Variants in SCMH1 observed in about 807,000 individuals in gnomAD.
SCMH1 encodes polycomb protein SCMH1.
Under a neutral mutation model 70.8 loss-of-function variants are expected in SCMH1, and 37 were observed. That is an observed-to-expected ratio of 0.52 (90% confidence interval 0.40 to 0.69). The LOEUF is 0.69. SCMH1 is among the 30% of genes least tolerant of loss of function. SCMH1 has a pLI of 0.00. For missense variants in SCMH1, 607 were observed against 827.3 expected (o/e 0.73, Z 3.27); for synonymous variants, 292 against 307.4 (o/e 0.95, Z 0.52).
At chr1:41,121,333 A>T (rs912470558) in intron 6 of SCMH1, among the ~76,000 whole-genome samples, 3 of 152,238 alleles carry the variant, frequency 2.0e-5, no homozygotes, top group African/African-American at 7.2e-5. Context: ...TTTGAACCCA[A>T]CTACTCCGTC....
chr1:41,222,663 C>T (rs1659531605), intron 1 of SCMH1, among the ~76,000 whole-genome samples: 1 of 152,062 alleles, frequency 6.6e-6, no homozygotes, highest in Non-Finnish European at 1.5e-5. Flanking sequence ...CCTTTTTTCA[C>T]TTGGGTATTA....
chr1:41,046,818 C>T, intron 11 of SCMH1: 1 of 550,554 alleles, frequency 1.8e-6, no homozygotes, highest in South Asian at 2.4e-5. Context: ...GTGGCCAGGC[C>T]AGGTCTGTTG....
intron 6 of SCMH1, among the ~76,000 whole-genome samples, chr1:41,123,960 T>G (rs1403675106): frequency 6.6e-6 from 1 of 152,120 alleles, no homozygotes; most frequent in Non-Finnish European, 1.5e-5. Context: ...CAAGCCCCAT[T>G]ACCTAGAGCT....
chr1:41,207,322 T>A (rs904424837), intron 1 of SCMH1, among the ~76,000 whole-genome samples: 12 of 151,772 alleles, frequency 7.9e-5, no homozygotes, highest in African/African-American at 2.7e-4. Context: ...ACACATGGGC[T>A]CAAAATAAAG....
Position 41,083,955 on chromosome 1 carries a change from C to T in SCMH1, c.746-8504G>A, listed in dbSNP as rs532369166. Among the ~76,000 whole-genome samples, 409 of 152,280 alleles carry T rather than the reference C, an allele frequency of 2.7e-3. 1 individual carries two copies. The highest frequency in any genetic ancestry group is 9.5e-3 in the African/African-American group (396 of 41,548). On this transcript the variant is annotated intron_variant, in intron 8 of 14. Transcript: ENST00000337495. ...AAGCTGAAACTGGATCCCTTCCTTACACCTTATACAAAAATTAATTCAAGA... is the reference window on the plus strand; with the variant it reads ...AAGCTGAAACTGGATCCCTTCCTTATACCTTATACAAAAATTAATTCAAGA...
rs757491842 is a variant in SCMH1 at position 41,067,336 on chromosome 1, C to T, written c.1105+3259G>A. 2.5e-4 allele frequency among the ~76,000 whole-genome samples: 38 copies of T among 151,266 alleles called. 1 individual carries two copies. The highest frequency in any genetic ancestry group is 5.3e-4 in the Admixed American group (8 of 15,140). On this transcript the variant is annotated intron_variant, in intron 10 of 14. Coordinates refer to ENST00000337495, the Ensembl canonical transcript of SCMH1. Reference sequence around the variant, plus strand: ...GCGGGCGCCTGTGGTCCCAGGTACTCGGAAGGCTGAGGCAGGAGAATGGCG... The same window carrying T: ...GCGGGCGCCTGTGGTCCCAGGTACTTGGAAGGCTGAGGCAGGAGAATGGCG...
intron 8 of SCMH1, among the ~76,000 whole-genome samples, chr1:41,087,937 G>GGTGTGTGTGTGTGTGTGTGTGT (rs55721560): frequency 0.06 from 8,318 of 139,748 alleles, 305 homozygotes; most frequent in African/African-American, 0.085. Flanking sequence ...TATAGTTTCT[G>GGTGTGTGTGTGTGTGTGTGTGT]GTGTGTGTGT....
intron 10 of SCMH1, among the ~76,000 whole-genome samples, chr1:41,053,179 G>A (rs978126160): frequency 3.3e-5 from 5 of 150,738 alleles, no homozygotes; most frequent in Non-Finnish European, 4.4e-5. Context: ...CACTGTGCCC[G>A]GCCAAATTGT....
chr1:41,125,468 C>T (rs748602472), intron 6 of SCMH1, among the ~76,000 whole-genome samples: 3 of 151,948 alleles, frequency 2.0e-5, no homozygotes, highest in East Asian at 3.9e-4. Context: ...CCACTCATCT[C>T]GGCCTCCCAA....
chr1:41,164,776 A>G (rs1188070917), intron 2 of SCMH1, among the ~76,000 whole-genome samples: 1 of 152,072 alleles, frequency 6.6e-6, no homozygotes, highest in East Asian at 1.9e-4. Context: ...ATAATTTTAC[A>G]TATTTATGGG....
intron 2 of SCMH1, among the ~76,000 whole-genome samples, chr1:41,182,841 G>A (rs1466752739): frequency 6.6e-6 from 1 of 152,180 alleles, no homozygotes; most frequent in Non-Finnish European, 1.5e-5. Flanking sequence ...ATTACAAAAT[G>A]TGTAATTTTT....
At chr1:41,193,185 T>G (rs545809387) in intron 1 of SCMH1, among the ~76,000 whole-genome samples, 1 of 152,390 alleles carries the variant, frequency 6.6e-6, no homozygotes, top group African/African-American at 2.4e-5. Flanking sequence ...TATATCGTTT[T>G]ACATATATCT....
At chr1:41,129,319 C>G (rs1327580490) in intron 6 of SCMH1, among the ~76,000 whole-genome samples, 1 of 152,076 alleles carries the variant, frequency 6.6e-6, no homozygotes, top group East Asian at 1.9e-4. Context: ...TTTTCATTTT[C>G]CCCAACTGAA....
intron 10 of SCMH1, among the ~76,000 whole-genome samples, chr1:41,051,276 G>T (rs1051152887): frequency 6.6e-6 from 1 of 152,164 alleles, no homozygotes; most frequent in Non-Finnish European, 1.5e-5. Context: ...CTACTACACT[G>T]CCAGGCATAT....
intron 8 of SCMH1, among the ~76,000 whole-genome samples, chr1:41,083,520 G>C (rs1385783748): frequency 6.6e-6 from 1 of 152,178 alleles, no homozygotes; most frequent in Non-Finnish European, 1.5e-5. Context: ...TGGGTAGGTA[G>C]AATCAATATC....
At chr1:41,231,459 A>G (rs548028199) in intron 1 of SCMH1, among the ~76,000 whole-genome samples, 2 of 152,294 alleles carry the variant, frequency 1.3e-5, no homozygotes, top group Admixed American at 1.3e-4. Flanking sequence ...GCTCCCATAT[A>G]CCCTGTACTA....
At position 41,188,439 on chromosome 1, in the gene SCMH1, T is replaced by C. The variant is rs554305650; in HGVS notation, c.-117-2189A>G. ...TTCAATATTCCTGTTGTCCAATGGGTAGCCACTAGCCACATGTGGCTATTT... is the reference window on the plus strand; with the variant it reads ...TTCAATATTCCTGTTGTCCAATGGGCAGCCACTAGCCACATGTGGCTATTT... On this transcript the variant is annotated intron_variant, in intron 1 of 14. Coordinates refer to ENST00000337495, the Ensembl canonical transcript of SCMH1. Among the ~76,000 whole-genome samples the C allele has an allele frequency of 4.1e-4, 63 of 152,300 alleles. No individual in the cohort carries two copies. The East Asian group carries it at 0.011, about 27-fold the overall frequency.
chr1:41,074,620 G>C (rs1657623793), intron 9 of SCMH1, among the ~76,000 whole-genome samples: 2 of 152,136 alleles, frequency 1.3e-5, no homozygotes, highest in South Asian at 4.2e-4. Context: ...CTTTGGAAAG[G>C]TTAACAAAGA....
intron 5 of SCMH1, among the ~76,000 whole-genome samples, chr1:41,150,367 T>C (rs1358758253): frequency 6.6e-6 from 1 of 152,028 alleles, no homozygotes; most frequent in East Asian, 1.9e-4. Flanking sequence ...GCCAGGCATG[T>C]TGGTGTGCAC....
Sources: allele counts gnomAD v4.1 joint callset (sites outside exome capture counted in the v4.1 genomes callset), GRCh38; gene constraint gnomAD v4.1.1; transcripts MANE v1.5; gene names NCBI Gene and HGNC (gene_info 2026-07-23, HGNC 2026-07-21).